MAPK10: variants seen among roughly 807,000 people sequenced by gnomAD.
The protein encoded by MAPK10 is JNK3 alpha protein kinase.
A neutral mutation model predicts 59.3 loss-of-function variants in MAPK10; 25 were observed. The ratio of observed to expected loss-of-function variants is 0.42; its 90% confidence interval spans 0.31 to 0.59. The LOEUF is 0.59. Ranked by LOEUF, MAPK10 falls within the 20% of genes least tolerant of loss-of-function variation. The pLI, the probability that MAPK10 is intolerant of heterozygous loss-of-function variation, is 0.15. For missense variants in MAPK10, 351 were observed against 568.9 expected, an observed-to-expected ratio of 0.62 and a Z score of 3.90; for synonymous variants, 190 against 200.5, an observed-to-expected ratio of 0.95 and a Z score of 0.44.
chr4:86,261,712 C>A (rs1307268760), intron 2 of MAPK10, among the ~76,000 whole-genome samples: 1 of 152,188 alleles, frequency 6.6e-6, no homozygotes, highest in Non-Finnish European at 1.5e-5. Context: ...ACTGGACATG[C>A]CTTTTTCAGA....
At chr4:86,115,524 C>T (rs1399673947) in intron 4 of MAPK10, among the ~76,000 whole-genome samples, 1 of 152,104 alleles carries the variant, frequency 6.6e-6, no homozygotes, top group South Asian at 2.1e-4. Context: ...TCCAATGGCA[C>T]GATCTTGGCT....
chr4:86,083,940 A>G (rs1302689804), intron 9 of MAPK10, among the ~76,000 whole-genome samples: 2 of 152,116 alleles, frequency 1.3e-5, no homozygotes, highest in African/African-American at 4.8e-5. Context: ...ATATTTCTAG[A>G]CACACCCTGG....
intron 1 of MAPK10, among the ~76,000 whole-genome samples, chr4:86,538,243 T>A (rs1351478559): frequency 1.3e-5 from 2 of 151,980 alleles, no homozygotes; most frequent in East Asian, 3.9e-4. Context: ...GCCTCCCAGG[T>A]TCAAGCGATT....
chr4:86,098,437 A>G, intron 9 of MAPK10, 87 bp downstream of exon 9: 1 of 1,585,626 alleles, frequency 6.3e-7, no homozygotes. Context: ...TTTTGCTTCT[A>G]TCTTTACTCT....
intron 4 of MAPK10, among the ~76,000 whole-genome samples, chr4:86,109,854 G>C (rs1461967222): frequency 1.3e-5 from 2 of 152,176 alleles, no homozygotes; most frequent in African/African-American, 4.8e-5. Context: ...CCCACCAACA[G>C]TGTAAAAGCA....
chr4:86,055,878 C>T lies in MAPK10; in HGVS notation c.1110+8388G>A, dbSNP rs1020463636. Among the ~76,000 whole-genome samples, 13 of 149,892 alleles carry T rather than the reference C, an allele frequency of 8.7e-5. 1 individual carries two copies. Among genetic ancestry groups the T allele is most frequent in the African/African-American group, 3.2e-4 (13 of 40,040 alleles). ...TTGCTATTAAATTTTATATAATAAA[C>T]TTCACTTGCAAACTGACTTCCTTCT... On this transcript the variant is annotated intron_variant, in intron 11 of 13. Transcript: ENST00000641462.
At chr4:86,028,221 T>C (rs1008228510) in intron 13 of MAPK10, 3 of 151,994 alleles carry the variant, frequency 2.0e-5, no homozygotes, top group South Asian at 2.1e-4. Context: ...GGTGAATGAG[T>C]AGAGAGGGTG....
chr4:86,373,802 T>C (rs1578963035), intron 1 of MAPK10, among the ~76,000 whole-genome samples: 1 of 152,306 alleles, frequency 6.6e-6, no homozygotes, highest in South Asian at 2.1e-4. Context: ...TTTCCACTGT[T>C]GATGGGAGTG....
intron 9 of MAPK10, among the ~76,000 whole-genome samples, chr4:86,077,426 C>T (rs1456617089): frequency 6.6e-6 from 1 of 152,148 alleles, no homozygotes; most frequent in Non-Finnish European, 1.5e-5. Flanking sequence ...CCTTATAAGA[C>T]TAATCCTTTT....
rs545252091 is a variant in MAPK10, at chr4:86,240,251, G to A, written c.-6-45844C>T. On this transcript the variant is annotated intron_variant, in intron 2 of 13. Coordinates refer to ENST00000641462, the MANE Select transcript of MAPK10 (RefSeq NM_138982.4). ...TTTCAGTTCTTTTGCACTTGCTGAG[G>A]AGTGTTTTACTTCCAATTATGTGGT... 3.3e-5 allele frequency among the ~76,000 whole-genome samples: 5 copies of A among 152,328 alleles called. No individual in the cohort carries two copies. The East Asian group carries it at 7.7e-4, about 23-fold the overall frequency.
chr4:86,452,855 G>A (rs1462909281), intron 1 of MAPK10, among the ~76,000 whole-genome samples: 2 of 152,084 alleles, frequency 1.3e-5, no homozygotes, highest in East Asian at 3.9e-4. Flanking sequence ...AATACATTAG[G>A]AATGCCGCAA....
At chr4:86,192,207 T>C (rs1403890019) in intron 3 of MAPK10, 1 of 152,218 alleles carries the variant, frequency 6.6e-6, no homozygotes, top group Non-Finnish European at 1.5e-5. Flanking sequence ...CTTACCATTT[T>C]TTCCTTCATT....
intron 11 of MAPK10, among the ~76,000 whole-genome samples, chr4:86,049,030 T>C (rs1162411684): frequency 6.6e-6 from 1 of 152,112 alleles, no homozygotes; most frequent in Non-Finnish European, 1.5e-5. Context: ...AATATATTTG[T>C]TGCATTATAT....
chr4:86,044,771 G>C (rs1184541545), intron 11 of MAPK10: 1 of 397,488 alleles, frequency 2.5e-6, no homozygotes, highest in African/African-American at 2.1e-5. Context: ...AGGAACAATG[G>C]AAAGAGCACT....
intron 1 of MAPK10, 104 bp downstream of exon 1, chr4:86,359,554 G>C (rs1017685048): frequency 2.6e-6 from 1 of 386,520 alleles, no homozygotes; most frequent in Non-Finnish European, 3.5e-6. Flanking sequence ...CACCTCTCTC[G>C]TCTCTTCCAT....
intron 2 of MAPK10, among the ~76,000 whole-genome samples, chr4:86,218,568 C>CAAAAAA (rs11330422): frequency 2.1e-4 from 20 of 95,406 alleles, no homozygotes; most frequent in African/African-American, 2.9e-4. Flanking sequence ...AAGACTTAAG[C>CAAAAAA]AAAAAAAAAA....
Position 86,277,610 on chromosome 4 carries a change from CTTTT to C in MAPK10, c.-7+76916_-7+76919del, listed in dbSNP as rs370077473. 7.5e-3 allele frequency among the ~76,000 whole-genome samples: 1,136 copies of C among 152,162 alleles called. 13 individuals are homozygous for C. The highest frequency in any genetic ancestry group is 0.026 in the African/African-American group (1,072 of 41,522). The stretch of plus-strand genomic sequence containing the variant: ...GACTAGATGGTTAAGCAGACAGTAA[CTTTT>C]TTTAAGTGTTAAGTTATATTTGCAA... On this transcript the variant is annotated intron_variant, in intron 2 of 13. Coordinates refer to ENST00000641462, the MANE Select transcript of MAPK10 (RefSeq NM_138982.4).
chr4:86,094,025 A>T (rs1487466493), intron 9 of MAPK10, among the ~76,000 whole-genome samples: 1 of 151,948 alleles, frequency 6.6e-6, no homozygotes, highest in Non-Finnish European at 1.5e-5. Flanking sequence ...TCTAAGAAAA[A>T]GAGTTAGACT....
chr4:86,243,133 G>A (rs1200753650), intron 2 of MAPK10, among the ~76,000 whole-genome samples: 1 of 152,288 alleles, frequency 6.6e-6, no homozygotes, highest in Admixed American at 6.5e-5. Context: ...ATTTTGATGA[G>A]AGAAACTGGA....
Sources: allele counts gnomAD v4.1 joint callset (sites outside exome capture counted in the v4.1 genomes callset), GRCh38; gene constraint gnomAD v4.1.1; transcripts MANE v1.5; gene names NCBI Gene and HGNC (gene_info 2026-07-23, HGNC 2026-07-21).